PPIB: variants seen among roughly 807,000 people sequenced by gnomAD.
The protein encoded by PPIB is peptidyl-prolyl cis-trans isomerase B.
A neutral mutation model predicts 20.1 loss-of-function variants in PPIB; 15 were observed. The ratio of observed to expected loss-of-function variants is 0.75; its 90% confidence interval spans 0.50 to 1.15. PPIB has a LOEUF of 1.15. PPIB is among the 50% of genes most tolerant of loss of function. PPIB has a pLI of 0.00. For synonymous variants in PPIB, 129 were observed against 111.0 expected (o/e 1.16, Z -1.02); for missense variants, 278 against 283.0 (o/e 0.98, Z 0.13).
chr15:64,156,347 TC>T lies in PPIB; in HGVS notation c.529-203del. ...TGACGAGGGGGTACAGGAATTTTGTTCCTTTGAAGTAAGACCCAGGTTGGGC... is the reference window on the plus strand; with the variant it reads ...TGACGAGGGGGTACAGGAATTTTGTTCTTTGAAGTAAGACCCAGGTTGGGC... On this transcript the variant is annotated intron_variant, in intron 4 of 4. Coordinates refer to ENST00000300026, the MANE Select transcript of PPIB (RefSeq NM_000942.5). This position sits in a 1 kb window ranked among gnomAD's most constrained non-coding sequence, Gnocchi z 6.4. 1 of 748,356 alleles carries T rather than the reference TC, an allele frequency of 1.3e-6. No individual in the cohort carries two copies. 46.4% of individuals were successfully genotyped at this position (748,356 alleles called of 1,614,324 possible).
intron 1 of PPIB, 134 bp downstream of exon 1, chr15:64,162,718 A>G: frequency 7.0e-7 from 1 of 1,437,446 alleles, no homozygotes; most frequent in Non-Finnish European, 9.5e-7. Flanking sequence ...CGTTCCCTGG[A>G]CTGAATGGGC....
At chr15:64,162,370 T>C (rs1033060043) in intron 1 of PPIB, among the ~76,000 whole-genome samples, 5 of 152,202 alleles carry the variant, frequency 3.3e-5, no homozygotes, top group African/African-American at 1.2e-4. Flanking sequence ...TATACCCTCC[T>C]TGGACTACAG....
Position 64,160,138 on chromosome 15 carries a change from C to G in PPIB, c.309G>C (p.Gln103His). The change falls in exon 3 of 5, where the codon CAG becomes CAC. Residue 103 changes from glutamine to histidine, a missense_variant. Transcript: ENST00000300026. The surrounding 1 kb of genome is among the most constrained non-coding windows in gnomAD (Gnocchi z 4.8). ...CATCTCCCCTGGTGAAGTCTCCGCC[C>G]TGGATCATGAAGTCCTTGATTACAC... is the stretch of plus-strand genomic sequence containing the variant. ...FHRVIKDFMI[Q>H]GGDFTRGDGT... The G allele has an allele frequency of 6.2e-7, 1 of 1,614,138 alleles. No homozygotes were observed. The highest frequency in any genetic ancestry group is 8.5e-7 in the Non-Finnish European group (1 of 1,179,970).
Position 64,156,095 on chromosome 15 carries a change from G to A in PPIB, c.579C>T (p.Pro193=). The part of the protein sequence containing the change: ...ESTKTDSRDK[P]LKDVIIADCG... ...AGTCTGCGATGATCACATCCTTCAGGGGTTTATCCCGGCTGTCTGTCTTGG... is the reference window on the plus strand; with the variant it reads ...AGTCTGCGATGATCACATCCTTCAGAGGTTTATCCCGGCTGTCTGTCTTGG... Residue 193 remains proline, a synonymous_variant, in exon 5 of 5, where the codon CCC becomes CCT. Transcript: ENST00000300026. This position sits in a 1 kb window ranked among gnomAD's most constrained non-coding sequence, Gnocchi z 6.4. 1 of 1,614,148 alleles carries A rather than the reference G, an allele frequency of 6.2e-7. No individual in the cohort carries two copies. The highest frequency in any genetic ancestry group is 8.5e-7 in the Non-Finnish European group (1 of 1,180,026).
In PPIB at chr15:64,162,934, A is replaced by G. The variant is rs890075179; in HGVS notation, c.53T>C (p.Ile18Thr). The change falls in exon 1 of 5, where the codon ATC becomes ACC. Residue 18 changes from isoleucine (I) to threonine (T), a missense_variant. Ile to Thr is a moderately conservative substitution (Grantham distance 89). Coordinates refer to ENST00000300026, the MANE Select transcript of PPIB (RefSeq NM_000942.5). ...CAGCAGGAAGAAGACGGACCCCGCG[A>G]TGAGGGCGGCGGCAAGGAGCACCTT... The part of the protein sequence containing the change: ...NMKVLLAAAL[I>T]AGSVFFLLLP... 3.1e-6 allele frequency: 5 copies of G among 1,613,490 alleles called. No individual in the cohort carries two copies. The highest frequency in any genetic ancestry group is 1.3e-5 in the African/African-American group (1 of 74,928).
At position 64,155,991 on chromosome 15, in the gene PPIB, G is replaced by C. The variant is rs1185135574; in HGVS notation, c.*32C>G. 6.2e-7 allele frequency: 1 copy of C among 1,614,050 alleles called. No individual in the cohort carries two copies. On this transcript the variant is annotated 3_prime_UTR_variant, in exon 5 of 5. Coordinates refer to ENST00000300026, the MANE Select transcript of PPIB (RefSeq NM_000942.5). ...TGTGGCGGACTACAGGGCCTGCACA[G>C]ACGGTCACTCAAAGAAAGATGTCCC... is the stretch of plus-strand genomic sequence containing the variant.
Position 64,156,759 on chromosome 15 carries a change from T to C in PPIB, c.494A>G (p.Lys165Arg), listed in dbSNP as rs2081534829. The C allele has an allele frequency of 1.2e-6, 2 of 1,614,108 alleles. No individual in the cohort carries two copies. Among genetic ancestry groups the C allele is most frequent in the East Asian group, 2.2e-5 (1 of 44,902 alleles). The change falls in exon 4 of 5, where the codon AAG becomes AGG. Residue 165 changes from lysine to arginine, a missense_variant. Physicochemically the swap from Lys to Arg is conservative, Grantham distance 26. Coordinates refer to ENST00000300026, the MANE Select transcript of PPIB (RefSeq NM_000942.5). This position sits in a 1 kb window ranked among gnomAD's most constrained non-coding sequence, Gnocchi z 6.4. ...TAGAACTTTGCCAAACACCACATGC[T>C]TGCCATCTAGCCAGGCTGTCTTGAC... ...TTVKTAWLDG[K>R]HVVFGKVLEG...
chr15:64,162,152 C>A lies in PPIB; in HGVS notation c.138G>T (p.Val46=). The A allele has an allele frequency of 5.6e-6, 9 of 1,610,312 alleles. No homozygotes were observed. The highest frequency in any genetic ancestry group is 7.6e-6 in the Non-Finnish European group (9 of 1,176,516). ...CATCTCCAATTCGTAGGTCAAAATACACCTGAGGAAAGAGACCATTTCCAA... is the reference window on the plus strand; with the variant it reads ...CATCTCCAATTCGTAGGTCAAAATAAACCTGAGGAAAGAGACCATTTCCAA... The part of the protein sequence containing the change: ...KKKGPKVTVK[V]YFDLRIGDED... Residue 46 remains valine, a splice_region_variant and synonymous_variant, in exon 2 of 5, where the codon GTG becomes GTT. Coordinates refer to ENST00000300026, the MANE Select transcript of PPIB (RefSeq NM_000942.5).
rs144061543 is a variant in PPIB at position 64,161,080 on chromosome 15, C to T, written c.250-883G>A. 1.1e-3 allele frequency among the ~76,000 whole-genome samples: 163 copies of T among 152,130 alleles called. 1 individual carries two copies. Among genetic ancestry groups the T allele is most frequent in the Admixed American group, 3.5e-3 (54 of 15,280 alleles). On this transcript the variant is annotated intron_variant, in intron 2 of 4. Transcript: ENST00000300026. The surrounding 1 kb of genome is among the most constrained non-coding windows in gnomAD (Gnocchi z 4.2). ...GGTTCAACAAATTCTCCTGCCTCAG[C>T]CTCCCAAGTAGCTGGAATTACAGGC...
At position 64,156,114 on chromosome 15, in the gene PPIB, GTCTT is replaced by G. The variant is rs137853869; in HGVS notation, c.556_559del (p.Lys186GlnfsTer8). The G allele has an allele frequency of 3.1e-6, 5 of 1,614,104 alleles. No homozygotes were observed. Among genetic ancestry groups the G allele is most frequent in the Non-Finnish European group, 4.2e-6 (5 of 1,180,052 alleles). On this transcript the variant is annotated frameshift_variant, in exon 5 of 5. Coordinates refer to ENST00000300026, the MANE Select transcript of PPIB (RefSeq NM_000942.5). LOFTEE classifies it high-confidence loss of function. This position sits in a 1 kb window ranked among gnomAD's most constrained non-coding sequence, Gnocchi z 6.4. ...CTTCAGGGGTTTATCCCGGCTGTCT[GTCTT>G]GGTGCTCTCCACCTTCCGCACCACC...
In PPIB at chr15:64,160,069, T is replaced by G; in HGVS notation, c.343+35A>C. 1 of 1,552,656 alleles carries G rather than the reference T, an allele frequency of 6.4e-7. No individual in the cohort carries two copies. On this transcript the variant is annotated intron_variant, in intron 3 of 4. Transcript: ENST00000300026. The surrounding 1 kb of genome is among the most constrained non-coding windows in gnomAD (Gnocchi z 4.8). Reference sequence around the variant, plus strand: ...GGCCCTCCCACTGTGGAGGCTACACTGACATACTCCTTGGCCCAGAGGACC... The same window carrying G: ...GGCCCTCCCACTGTGGAGGCTACACGGACATACTCCTTGGCCCAGAGGACC...
Position 64,162,853 on chromosome 15 carries a change from T to C in PPIB, c.134A>G (p.Lys45Arg), listed in dbSNP as rs962538470. 17 of 1,610,822 alleles carry C rather than the reference T, an allele frequency of 1.1e-5. No homozygotes were observed. Among genetic ancestry groups the C allele is most frequent in the African/African-American group, 4.0e-5 (3 of 74,872 alleles). Residue 45 changes from lysine to arginine, a missense_variant and splice_region_variant, in exon 1 of 5, where the codon AAG (lysine) becomes AGG (arginine). Transcript: ENST00000300026. ...EKKKGPKVTV[K>R]VYFDLRIGDE... The stretch of plus-strand genomic sequence containing the variant: ...TAAATGCCGCGGACTCCACCGGACC[T>C]TGACGGTGACTTTGGGCCCCTTCTT...
chr15:64,160,222 G>A lies in PPIB; in HGVS notation c.250-25C>T, dbSNP rs2081557972. 2 of 1,575,452 alleles carry A rather than the reference G, an allele frequency of 1.3e-6. No individual in the cohort carries two copies. Among genetic ancestry groups the A allele is most frequent in the Non-Finnish European group, 1.7e-6 (2 of 1,144,812 alleles). ...TCTAGAAAAAGGGAAGAGAAGGTAA[G>A]GAGGTGGTATGGGGCAGCAGGAAGA... On this transcript the variant is annotated intron_variant, in intron 2 of 4. Transcript: ENST00000300026. This position sits in a 1 kb window ranked among gnomAD's most constrained non-coding sequence, Gnocchi z 4.8.
chr15:64,162,047 T>G lies in PPIB; in HGVS notation c.243A>C (p.Thr81=), dbSNP rs1452680175. 1.9e-6 allele frequency: 3 copies of G among 1,610,582 alleles called. No individual in the cohort carries two copies. Among genetic ancestry groups the G allele is most frequent in the Non-Finnish European group, 8.5e-7 (1 of 1,176,744 alleles). ...CCCTGCTCCAGCCACTTACCTCTCC[T>G]GTAGCTAAGGCCACAAAATTATCCA... ...KTVDNFVALA[T]GEKGFGYKNS... The change falls in exon 2 of 5, where the codon ACA becomes ACC. Residue 81 remains threonine (T), a synonymous_variant. Coordinates refer to ENST00000300026, the MANE Select transcript of PPIB (RefSeq NM_000942.5).
Position 64,160,303 on chromosome 15 carries a change from G to T in PPIB, c.250-106C>A. 1.1e-6 allele frequency: 1 copy of T among 918,458 alleles called. No homozygotes were observed. Among genetic ancestry groups the T allele is most frequent in the Admixed American group, 1.9e-5 (1 of 51,958 alleles). The allele number at this position is 918,458 out of a possible 1,614,324, so 56.9% of individuals were successfully genotyped here. A position where few individuals can be genotyped will look rare whatever the true frequency, so the allele number is the denominator to read the frequency against. ...GTCCACAACTCCTGCTCGCAGAAGAGACACCACTGCTGACCACTTTCACTG... is the reference window on the plus strand; with the variant it reads ...GTCCACAACTCCTGCTCGCAGAAGATACACCACTGCTGACCACTTTCACTG... On this transcript the variant is annotated intron_variant, in intron 2 of 4. Transcript: ENST00000300026. This position sits in a 1 kb window ranked among gnomAD's most constrained non-coding sequence, Gnocchi z 4.8.
Position 64,156,070 on chromosome 15 carries a change from A to T in PPIB, c.604T>A (p.Cys202Ser), listed in dbSNP as rs1029326377. The change falls in exon 5 of 5, where the codon TGC becomes AGC. Residue 202 changes from cysteine to serine, a missense_variant. By Grantham distance (112) the Cys-to-Ser change is moderately radical. Transcript: ENST00000300026. The surrounding 1 kb of genome is among the most constrained non-coding windows in gnomAD (Gnocchi z 6.4). ...GGCTTCTCCACCTCGATCTTGCCGC[A>T]GTCTGCGATGATCACATCCTTCAGG... is the stretch of plus-strand genomic sequence containing the variant. ...KPLKDVIIAD[C>S]GKIEVEKPFA... The T allele has an allele frequency of 1.9e-6, 3 of 1,614,056 alleles. No homozygotes were observed. The highest frequency in any genetic ancestry group is 2.7e-5 in the African/African-American group (2 of 74,896).
rs1459343180 is a variant in PPIB at position 64,161,127 on chromosome 15, A to AT, written c.249+913dup. Among the ~76,000 whole-genome samples, 16 of 149,970 alleles carry AT rather than the reference A, an allele frequency of 1.1e-4. No individual in the cohort carries two copies. Among genetic ancestry groups the AT allele is most frequent in the East Asian group, 8.0e-4 (4 of 5,012 alleles). On this transcript the variant is annotated intron_variant, in intron 2 of 4. Transcript: ENST00000300026. This position sits in a 1 kb window ranked among gnomAD's most constrained non-coding sequence, Gnocchi z 4.2. ...AGGCGCCTACCACTACACCTGGCTAATTTTTTGTATTTTTAGTAGAGACAG... is the reference window on the plus strand; with the variant it reads ...AGGCGCCTACCACTACACCTGGCTAATTTTTTTGTATTTTTAGTAGAGACAG...
Position 64,160,873 on chromosome 15 carries a change from C to G in PPIB, c.250-676G>C, listed in dbSNP as rs575405871. On this transcript the variant is annotated intron_variant, in intron 2 of 4. Transcript: ENST00000300026. The surrounding 1 kb of genome is among the most constrained non-coding windows in gnomAD (Gnocchi z 4.8). ...CCATGGTGCCCAGGCTGCTCTCAAACTCCTAAACTCACATGATCTGCCCTC... is the reference window on the plus strand; with the variant it reads ...CCATGGTGCCCAGGCTGCTCTCAAAGTCCTAAACTCACATGATCTGCCCTC... Among the ~76,000 whole-genome samples the G allele has an allele frequency of 6.6e-6, 1 of 152,308 alleles. No homozygotes were observed. The highest frequency in any genetic ancestry group is 2.4e-5 in the African/African-American group (1 of 41,566).
rs190531165 is a variant in PPIB at position 64,160,018 on chromosome 15, G to A, written c.343+86C>T. 483 of 1,179,192 alleles carry A rather than the reference G, an allele frequency of 4.1e-4. No homozygotes were observed. The African/African-American group carries it at 6.5e-3, about 16-fold the overall frequency. 73.0% of individuals were successfully genotyped at this position (1,179,192 alleles called of 1,614,324 possible). A position where few individuals can be genotyped will look rare whatever the true frequency, so the allele number is the denominator to read the frequency against. On this transcript the variant is annotated intron_variant, in intron 3 of 4. Coordinates refer to ENST00000300026, the MANE Select transcript of PPIB (RefSeq NM_000942.5). This position sits in a 1 kb window ranked among gnomAD's most constrained non-coding sequence, Gnocchi z 4.8. The stretch of plus-strand genomic sequence containing the variant: ...CCTGCCTCTAGAGCTGGGGAAGAAA[G>A]AGGCCTGGTCTCCCCAGCAGAACCT...
Sources: allele counts gnomAD v4.1 joint callset (sites outside exome capture counted in the v4.1 genomes callset), GRCh38; gene constraint gnomAD v4.1.1; non-coding constraint Gnocchi (gnomAD v3.1); transcripts MANE v1.5; gene names NCBI Gene and HGNC (gene_info 2026-07-23, HGNC 2026-07-21).